The following TSHZ2 variants were observed in gnomAD, a reference collection of about 807,000 sequenced individuals.
TSHZ2 encodes the protein teashirt homolog 2.
TSHZ2 carries 21 observed loss-of-function variants against 74.4 expected under a neutral mutation model. The observed-to-expected ratio is 0.28, with a 90% CI of 0.20 to 0.41. The LOEUF is 0.41. Among genes scored for constraint, TSHZ2 ranks in the 10% least tolerant of loss-of-function variants. The pLI is 1.00. For synonymous variants in TSHZ2, 540 were observed against 515.3 expected, an observed-to-expected ratio of 1.05 and a Z score of -0.65; for missense variants, 1,244 against 1,293.5, an observed-to-expected ratio of 0.96 and a Z score of 0.59.
At chr20:53,416,367 C>T (rs1983254471) in intron 2 of TSHZ2, among the ~76,000 whole-genome samples, 2 of 152,232 alleles carry the variant, frequency 1.3e-5, no homozygotes, top group African/African-American at 2.4e-5. Flanking sequence ...AAAGTCTGCT[C>T]ACCCTGCGTC....
At position 53,048,988 on chromosome 20, in the gene TSHZ2, C is replaced by T. The variant is rs568938604; in HGVS notation, c.40+75655C>T. 3.1e-3 allele frequency among the ~76,000 whole-genome samples: 479 copies of T among 152,244 alleles called. 3 individuals are homozygous for T. The highest frequency in any genetic ancestry group is 0.014 in the Middle Eastern group (4 of 294). ...TTCTCTCATTCATTCTTTATTCTACCGAAACTGTCTGAAACTCAGTCTTCA... is the reference window on the plus strand; with the variant it reads ...TTCTCTCATTCATTCTTTATTCTACTGAAACTGTCTGAAACTCAGTCTTCA... On this transcript the variant is annotated intron_variant, in intron 1 of 2. Transcript: ENST00000371497.
chr20:52,995,102 AC>A (rs1207217884), intron 1 of TSHZ2, among the ~76,000 whole-genome samples: 2 of 152,272 alleles, frequency 1.3e-5, no homozygotes, highest in African/African-American at 4.8e-5. Flanking sequence ...TAGAGGTCAA[AC>A]TTTTTTATCT....
chr20:53,471,363 T>C (rs933451855), intron 2 of TSHZ2, among the ~76,000 whole-genome samples: 10 of 152,198 alleles, frequency 6.6e-5, no homozygotes. Flanking sequence ...TGACAGATAG[T>C]GGGTTTTATA....
intron 1 of TSHZ2, among the ~76,000 whole-genome samples, chr20:53,177,078 C>CT (rs1988360956): frequency 6.6e-6 from 1 of 151,912 alleles, no homozygotes; most frequent in South Asian, 2.1e-4. Context: ...AAATGGGAGT[C>CT]TTAGTATGTT....
intron 1 of TSHZ2, among the ~76,000 whole-genome samples, chr20:52,981,448 G>A (rs1003242327): frequency 1.3e-5 from 2 of 152,178 alleles, no homozygotes; most frequent in East Asian, 1.9e-4. Context: ...TTGTGTCAGA[G>A]GAGGGCTGAG....
At chr20:53,057,232 T>C (rs888443618) in intron 1 of TSHZ2, among the ~76,000 whole-genome samples, 2 of 152,232 alleles carry the variant, frequency 1.3e-5, no homozygotes, top group Non-Finnish European at 2.9e-5. Flanking sequence ...TATTTCTTCA[T>C]AGCAGTATGA....
intron 2 of TSHZ2, among the ~76,000 whole-genome samples, chr20:53,315,190 A>G (rs959238454): frequency 2.0e-5 from 3 of 152,258 alleles, no homozygotes; most frequent in Non-Finnish European, 2.9e-5. Flanking sequence ...ATTATACTTT[A>G]GAAGACTAAA....
At chr20:53,134,675 C>T (rs916002491) in intron 1 of TSHZ2, among the ~76,000 whole-genome samples, 6 of 152,178 alleles carry the variant, frequency 3.9e-5, no homozygotes, top group Admixed American at 1.3e-4. Flanking sequence ...CATAGCTACA[C>T]GGACAACTCG....
chr20:53,095,507 T>C (rs915010703), intron 1 of TSHZ2, among the ~76,000 whole-genome samples: 12 of 152,144 alleles, frequency 7.9e-5, no homozygotes, highest in Admixed American at 5.9e-4. Context: ...GATGATAAGA[T>C]ATTATTAGAA....
intron 2 of TSHZ2, among the ~76,000 whole-genome samples, chr20:53,449,366 T>A (rs1042859429): frequency 6.6e-6 from 1 of 152,172 alleles, no homozygotes; most frequent in Non-Finnish European, 1.5e-5. Context: ...AAGCACACAA[T>A]AATTATATAT....
chr20:52,984,754 ACATCAATG>A, intron 1 of TSHZ2, among the ~76,000 whole-genome samples: 1 of 152,298 alleles, frequency 6.6e-6, no homozygotes, highest in Non-Finnish European at 1.5e-5. Flanking sequence ...AGAGGCGTCT[ACATCAATG>A]CAGTCAAAGG....
At chr20:53,149,129 C>T (rs189265138) in intron 1 of TSHZ2, among the ~76,000 whole-genome samples, 3 of 151,276 alleles carry the variant, frequency 2.0e-5, no homozygotes, top group East Asian at 1.9e-4. Context: ...GTCTGTTAGG[C>T]GAGGCCTTGG....
intron 2 of TSHZ2, among the ~76,000 whole-genome samples, chr20:53,467,533 C>A (rs981983762): frequency 6.6e-6 from 1 of 152,076 alleles, no homozygotes; most frequent in African/African-American, 2.4e-5. Context: ...ACTTATTGAA[C>A]GCCAGGCAAC....
intron 2 of TSHZ2, among the ~76,000 whole-genome samples, chr20:53,352,693 G>A (rs1313752600): frequency 6.6e-6 from 1 of 151,262 alleles, no homozygotes; most frequent in Non-Finnish European, 1.5e-5. Context: ...GGAATGGCTT[G>A]AACTTGGGAG....
At chr20:53,313,878 G>A (rs927474909) in intron 2 of TSHZ2, among the ~76,000 whole-genome samples, 4 of 152,150 alleles carry the variant, frequency 2.6e-5, no homozygotes, top group African/African-American at 4.8e-5. Flanking sequence ...CATAGAGATC[G>A]TGGGTCCCAA....
rs1187628656 is a variant in TSHZ2, at chr20:53,254,903, A to G, written c.1445A>G (p.Glu482Gly). ...AAGGATGAGAAAGTCGTGAAAAGCG[A>G]GGACTATGAAGATCCTCTACAAAAA... is the stretch of plus-strand genomic sequence containing the variant. ...TSKDEKVVKS[E>G]DYEDPLQKPL... The change falls in exon 2 of 3, where the codon GAG (glutamate) becomes GGG (glycine). Residue 482 changes from glutamate to glycine, a missense_variant. Transcript: ENST00000371497. 1.2e-6 allele frequency: 2 copies of G among 1,613,944 alleles called. No homozygotes were observed. The highest frequency in any genetic ancestry group is 2.2e-5 in the East Asian group (1 of 44,906).
chr20:53,048,426 C>G (rs573764577), intron 1 of TSHZ2, among the ~76,000 whole-genome samples: 133 of 152,288 alleles, frequency 8.7e-4, no homozygotes, highest in Non-Finnish European at 1.7e-3. Context: ...TCATCTTTTG[C>G]CCAGGACTTG....
intron 2 of TSHZ2, among the ~76,000 whole-genome samples, chr20:53,319,449 C>T (rs567252086): frequency 2.0e-5 from 3 of 152,334 alleles, no homozygotes; most frequent in African/African-American, 7.2e-5. Flanking sequence ...AACACAGATA[C>T]AAGGATTGGC....
intron 1 of TSHZ2, among the ~76,000 whole-genome samples, chr20:53,137,296 C>CTT (rs759993398): frequency 0.2 from 26,923 of 135,108 alleles, 3,076 homozygotes; most frequent in Non-Finnish European, 0.26. Context: ...ATTCGTGTTT[C>CTT]TTTTTTTTTT....
Sources: gnomAD v4.1 joint callset for allele counts (sites outside exome capture counted in the v4.1 genomes callset) on GRCh38, gnomAD v4.1.1 for gene constraint, MANE v1.5 for transcripts, NCBI Gene and HGNC (gene_info 2026-07-23, HGNC 2026-07-21) for gene names.